The following HNF4G variants were observed in gnomAD, a reference collection of about 807,000 sequenced individuals.
HNF4G encodes hepatocyte nuclear factor 4-gamma.
In HNF4G, 21 loss-of-function variants were observed where a neutral mutation model predicts 50.9. The observed-to-expected ratio is 0.41, with a 90% CI of 0.29 to 0.59. HNF4G has a LOEUF of 0.59. Among genes scored for constraint, HNF4G ranks in the 20% least tolerant of loss-of-function variants. HNF4G has a pLI of 0.26. For missense variants in HNF4G, 527 were observed against 559.4 expected (o/e 0.94, Z 0.58); for synonymous variants, 198 against 185.6 (o/e 1.07, Z -0.54).
intron 2 of HNF4G, among the ~76,000 whole-genome samples, chr8:75,515,341 C>G (rs1035743379): frequency 6.6e-6 from 1 of 152,072 alleles, no homozygotes; most frequent in African/African-American, 2.4e-5. Context: ...TTCTTCTTTT[C>G]TAATCTAAGC....
rs569519456 is a variant in HNF4G at position 75,449,734 on chromosome 8, C to A, written c.-143-40355C>A. On this transcript the variant is annotated intron_variant, in intron 1 of 10. Coordinates refer to the HNF4G transcript ENST00000354370. ...GTGTTAGCCCGGATGGTCTCGATCT[C>A]CTGACCTCGTGATCCGCCCCCCTTG... Among the ~76,000 whole-genome samples, 16 of 152,072 alleles carry A rather than the reference C, an allele frequency of 1.1e-4. No individual in the cohort carries two copies. The South Asian group carries it at 3.1e-3, about 30-fold the overall frequency.
intron 1 of HNF4G, among the ~76,000 whole-genome samples, chr8:75,541,558 A>G (rs1423374509): frequency 2.9e-5 from 4 of 136,448 alleles, no homozygotes; most frequent in East Asian, 3.9e-4. Context: ...ATATTTGTCT[A>G]CTCAGAAATA....
intron 2 of HNF4G, among the ~76,000 whole-genome samples, chr8:75,511,921 T>G (rs1396816557): frequency 6.6e-6 from 1 of 152,234 alleles, no homozygotes; most frequent in Non-Finnish European, 1.5e-5. Context: ...TCATGATTAC[T>G]AAGTACCCTA....
chr8:75,478,041 G>C (rs1266686564), intron 1 of HNF4G, among the ~76,000 whole-genome samples: 1 of 152,196 alleles, frequency 6.6e-6, no homozygotes, highest in African/African-American at 2.4e-5. Flanking sequence ...GCCGGGTGTG[G>C]TGGCTCACGC....
At position 75,447,370 on chromosome 8, in the gene HNF4G, G is replaced by A. The variant is rs373162617; in HGVS notation, c.-144+39208G>A. The stretch of plus-strand genomic sequence containing the variant: ...GCATTACCATTCAGGACATAGGCAT[G>A]GGCAAGGACTTCATGTCCAAAACAC... On this transcript the variant is annotated intron_variant, in intron 1 of 10. Transcript: ENST00000354370. Among the ~76,000 whole-genome samples, 930 of 114,658 alleles carry A rather than the reference G, an allele frequency of 8.1e-3. 32 individuals are homozygous for A. In the East Asian group the frequency reaches 0.12, roughly 15 times the overall value. The allele number at this position is 114,658 out of a possible 152,430, so 75.2% of individuals were successfully genotyped here.
intron 1 of HNF4G, among the ~76,000 whole-genome samples, chr8:75,433,271 G>A (rs1222559908): frequency 3.9e-5 from 6 of 152,128 alleles, no homozygotes; most frequent in Non-Finnish European, 8.8e-5. Flanking sequence ...AGCCAGGCAT[G>A]GTGATGTGCA....
intron 1 of HNF4G, among the ~76,000 whole-genome samples, chr8:75,483,457 A>G (rs557074129): frequency 1.3e-5 from 2 of 152,268 alleles, no homozygotes; most frequent in African/African-American, 2.4e-5. Context: ...CATTCCACCC[A>G]GAGAAGTTCC....
chr8:75,501,148 A>T (rs1232988609), intron 2 of HNF4G, among the ~76,000 whole-genome samples: 1 of 152,160 alleles, frequency 6.6e-6, no homozygotes, highest in African/African-American at 2.4e-5. Flanking sequence ...CAGGAATTTT[A>T]AAAGTTTACA....
intron 1 of HNF4G, among the ~76,000 whole-genome samples, chr8:75,485,329 C>A (rs1227527678): frequency 6.6e-6 from 1 of 152,076 alleles, no homozygotes; most frequent in Non-Finnish European, 1.5e-5. Flanking sequence ...AAAGAGTTTC[C>A]ACTCATCAAA....
At chr8:75,414,409 A>G (rs1585820954) in intron 1 of HNF4G, among the ~76,000 whole-genome samples, 1 of 152,180 alleles carries the variant, frequency 6.6e-6, no homozygotes, top group Non-Finnish European at 1.5e-5. Flanking sequence ...TAAACAGCGT[A>G]TATTTAAAGT....
chr8:75,429,789 C>A (rs1221844571), intron 1 of HNF4G, among the ~76,000 whole-genome samples: 1 of 152,112 alleles, frequency 6.6e-6, no homozygotes, highest in African/African-American at 2.4e-5. Flanking sequence ...AATCAGAAAC[C>A]CCATAGTTAT....
At chr8:75,550,777 T>C (rs189025100) in intron 3 of HNF4G, among the ~76,000 whole-genome samples, 2 of 152,242 alleles carry the variant, frequency 1.3e-5, no homozygotes, top group East Asian at 3.9e-4. Flanking sequence ...ATAGGATTTC[T>C]TCATCTTTCC....
intron 2 of HNF4G, among the ~76,000 whole-genome samples, chr8:75,514,354 C>CTTTTTTTTTTCTTTTTTTTTTTTTT (rs1805837081): frequency 6.4e-5 from 8 of 125,026 alleles, no homozygotes; most frequent in East Asian, 4.5e-4. Context: ...TTTCTTCTTT[C>CTTTTTTTTTTCTTTTTTTTTTTTTT]TTTTTTTTTT....
upstream of HNF4G, among the ~76,000 whole-genome samples, chr8:75,538,970 G>T (rs2130780552): frequency 6.6e-6 from 1 of 152,240 alleles, no homozygotes; most frequent in East Asian, 1.9e-4. Flanking sequence ...AATGTAAATG[G>T]GGCTGGAATT....
rs138916147 is a variant in HNF4G at position 75,557,511 on chromosome 8, C to G, written c.734-1007C>G. ...TGGCGGGAGCCTGTAATCCCAGCTA[C>G]TCTGGAAGCTGAGACATGAGAATCA... is the stretch of plus-strand genomic sequence containing the variant. On this transcript the variant is annotated intron_variant, in intron 6 of 9. Coordinates refer to ENST00000396423, the MANE Select transcript of HNF4G (RefSeq NM_004133.5). 1.5e-3 allele frequency among the ~76,000 whole-genome samples: 234 copies of G among 152,286 alleles called. 1 individual carries two copies. The highest frequency in any genetic ancestry group is 5.4e-3 in the African/African-American group (223 of 41,568).
intron 2 of HNF4G, among the ~76,000 whole-genome samples, chr8:75,497,517 C>G (rs1160100478): frequency 6.6e-6 from 1 of 151,992 alleles, no homozygotes; most frequent in Non-Finnish European, 1.5e-5. Flanking sequence ...AACCCCGTCT[C>G]TACTAAAAAT....
intron 2 of HNF4G, among the ~76,000 whole-genome samples, chr8:75,501,266 C>T (rs562166861): frequency 4.5e-4 from 69 of 152,000 alleles, no homozygotes; most frequent in Middle Eastern, 3.4e-3. Context: ...ATAGGGAGAT[C>T]GTATCTCTAC....
intron 2 of HNF4G, among the ~76,000 whole-genome samples, chr8:75,544,969 G>A (rs1238286219): frequency 6.6e-6 from 1 of 151,834 alleles, no homozygotes; most frequent in Admixed American, 6.6e-5. Flanking sequence ...CTAGTTCTCT[G>A]GTAATTCTTT....
chr8:75,559,402 T>G (rs187936975), intron 8 of HNF4G, among the ~76,000 whole-genome samples: 4 of 151,936 alleles, frequency 2.6e-5, no homozygotes, highest in Non-Finnish European at 5.9e-5. Context: ...GCCTCCGGAG[T>G]AGCTGGGACT....
Sources: gnomAD v4.1 joint callset for allele counts (sites outside exome capture counted in the v4.1 genomes callset) on GRCh38, gnomAD v4.1.1 for gene constraint, MANE v1.5 for transcripts, NCBI Gene and HGNC (gene_info 2026-07-23, HGNC 2026-07-21) for gene names.